MAPK8: variants seen among roughly 807,000 people sequenced by gnomAD.
MAPK8 encodes the protein mitogen-activated protein kinase 8, also known as JUN N-terminal kinase.
A neutral mutation model predicts 52.9 loss-of-function variants in MAPK8; 13 were observed. That is an observed-to-expected ratio of 0.25 (90% CI 0.16 to 0.39). The LOEUF is 0.39. Ranked by LOEUF, MAPK8 falls within the 10% of genes least tolerant of loss-of-function variation. The pLI, the probability that MAPK8 is intolerant of heterozygous loss-of-function variation, is 1.00. For missense variants in MAPK8, 300 were observed against 519.2 expected (o/e 0.58, Z 4.10); for synonymous variants, 191 against 169.8 (o/e 1.12, Z -0.97).
intron 11 of MAPK8, among the ~76,000 whole-genome samples, chr10:48,432,970 A>C (rs981784772): frequency 6.6e-6 from 1 of 152,230 alleles, no homozygotes; most frequent in Non-Finnish European, 1.5e-5. Context: ...AGATAACCAC[A>C]GTACCATTTC....
At chr10:48,349,070 A>G (rs1846059025) in intron 1 of MAPK8, among the ~76,000 whole-genome samples, 1 of 152,210 alleles carries the variant, frequency 6.6e-6, no homozygotes, top group African/African-American at 2.4e-5. Flanking sequence ...TGCAACAAGA[A>G]GAGCTAACTC....
intron 5 of MAPK8, among the ~76,000 whole-genome samples, chr10:48,416,302 T>G (rs2043062404): frequency 6.6e-6 from 1 of 152,196 alleles, no homozygotes; most frequent in African/African-American, 2.4e-5. Context: ...GGCTCTTCTT[T>G]GCTTGGAAGT....
At chr10:48,366,532 GTTA>G (rs1401465128) in intron 1 of MAPK8, among the ~76,000 whole-genome samples, 1 of 152,146 alleles carries the variant, frequency 6.6e-6, no homozygotes, top group Non-Finnish European at 1.5e-5. Flanking sequence ...CCTAAGTTAG[GTTA>G]TAACTTGTTT....
intron 6 of MAPK8, 110 bp downstream of exon 6, chr10:48,420,430 C>T (rs544662555): frequency 1.9e-6 from 2 of 1,052,118 alleles, no homozygotes; most frequent in South Asian, 5.0e-5. Context: ...AAATGTGTAT[C>T]ATTGTTTGAA....
intron 1 of MAPK8, among the ~76,000 whole-genome samples, chr10:48,383,791 A>G (rs1817662795): frequency 6.6e-6 from 1 of 152,156 alleles, no homozygotes; most frequent in African/African-American, 2.4e-5. Context: ...ATTTAAATAC[A>G]TTTCTCTCTT....
intron 1 of MAPK8, among the ~76,000 whole-genome samples, chr10:48,364,523 T>G (rs534712407): frequency 1.3e-5 from 2 of 152,138 alleles, no homozygotes; most frequent in Non-Finnish European, 2.9e-5. Flanking sequence ...GGAATTAAGA[T>G]TTGTTGAATG....
At chr10:48,424,379 C>G in intron 7 of MAPK8, 1 of 644,510 alleles carries the variant, frequency 1.6e-6, no homozygotes, top group Admixed American at 3.2e-5. Flanking sequence ...AGAGCACATT[C>G]ACTGTCACTC....
chr10:48,314,307 A>C (rs1186700100), intron 1 of MAPK8, among the ~76,000 whole-genome samples: 1 of 152,066 alleles, frequency 6.6e-6, no homozygotes, highest in East Asian at 1.9e-4. Context: ...ATGACCTAAT[A>C]TAGTCATGAG....
rs139619736 is a variant in MAPK8, at chr10:48,335,773, C to T, written c.-50+28952C>T. Among the ~76,000 whole-genome samples the T allele has an allele frequency of 3.1e-3, 477 of 152,306 alleles. 3 individuals are homozygous for T. Among genetic ancestry groups the T allele is most frequent in the African/African-American group, 0.011 (464 of 41,560 alleles). On this transcript the variant is annotated intron_variant, in intron 1 of 11. Transcript: ENST00000374189. ...CAGTGCTTATGTATACTTCCCATTTCATCATAACAGATAATGTGGATATTC... is the reference window on the plus strand; with the variant it reads ...CAGTGCTTATGTATACTTCCCATTTTATCATAACAGATAATGTGGATATTC...
chr10:48,329,048 T>C (rs1346943269), intron 1 of MAPK8, among the ~76,000 whole-genome samples: 1 of 152,346 alleles, frequency 6.6e-6, no homozygotes, highest in East Asian at 1.9e-4. Flanking sequence ...GTAACTCATT[T>C]AATTATTTTA....
At chr10:48,310,593 C>A (rs1407598224) in intron 1 of MAPK8, among the ~76,000 whole-genome samples, 1 of 152,100 alleles carries the variant, frequency 6.6e-6, no homozygotes, top group Non-Finnish European at 1.5e-5. Flanking sequence ...AGCTTATAAT[C>A]AAGGATTAGA....
intron 1 of MAPK8, among the ~76,000 whole-genome samples, chr10:48,370,067 T>C (rs985607446): frequency 3.3e-5 from 5 of 152,290 alleles, no homozygotes; most frequent in Admixed American, 1.3e-4. Context: ...CATATTTCAG[T>C]GCTAGGAGAA....
At chr10:48,394,424 A>G (rs980241637) in intron 1 of MAPK8, among the ~76,000 whole-genome samples, 3 of 151,936 alleles carry the variant, frequency 2.0e-5, no homozygotes, top group African/African-American at 7.2e-5. Flanking sequence ...CCATGAATGC[A>G]AGGGTGGTTT....
chr10:48,363,119 T>C (rs1376838124), intron 1 of MAPK8, among the ~76,000 whole-genome samples: 1 of 151,980 alleles, frequency 6.6e-6, no homozygotes, highest in Non-Finnish European at 1.5e-5. Flanking sequence ...CTGAACATAA[T>C]GCACTGCAGC....
chr10:48,401,905 T>G, intron 2 of MAPK8, 123 bp downstream of exon 2: 1 of 778,504 alleles, frequency 1.3e-6, no homozygotes, highest in Non-Finnish European at 1.8e-6. Flanking sequence ...AACTAAAAAT[T>G]AAACGAAAAC....
intron 1 of MAPK8, among the ~76,000 whole-genome samples, chr10:48,362,943 G>A (rs1847684281): frequency 6.6e-6 from 1 of 152,070 alleles, no homozygotes; most frequent in Non-Finnish European, 1.5e-5. Context: ...GTTTCACCAT[G>A]TTGGCCAGGC....
At position 48,404,933 on chromosome 10, in the gene MAPK8, G is replaced by C. The variant is rs1363332287; in HGVS notation, c.204G>C (p.Lys68Asn). The change falls in exon 3 of 12, where the codon AAG becomes AAC. Residue 68 changes from lysine (K) to asparagine (N), a missense_variant. Around this residue, in one of 3 missense-constraint regions of MAPK8, gnomAD observed 147 missense variants for 328.1 expected, o/e 0.45. Coordinates refer to ENST00000374189, the MANE Select transcript of MAPK8 (RefSeq NM_001323329.2). The stretch of plus-strand genomic sequence containing the variant: ...CATTTCAGAATCAGACTCATGCCAA[G>C]CGGGCCTACAGAGAGCTAGTTCTTA... ...SRPFQNQTHA[K>N]RAYRELVLMK... is the part of the protein sequence containing the mutation. 6.2e-7 allele frequency: 1 copy of C among 1,609,938 alleles called. No individual in the cohort carries two copies. The highest frequency in any genetic ancestry group is 8.5e-7 in the Non-Finnish European group (1 of 1,177,370).
chr10:48,405,057 A>G, intron 3 of MAPK8, 76 bp downstream of exon 3: 1 of 890,854 alleles, frequency 1.1e-6, no homozygotes, highest in Non-Finnish European at 1.7e-6. Flanking sequence ...ATCAAAGACT[A>G]AATATTAGGG....
chr10:48,324,194 C>T (rs897963494), intron 1 of MAPK8, among the ~76,000 whole-genome samples: 1 of 152,180 alleles, frequency 6.6e-6, no homozygotes, highest in Non-Finnish European at 1.5e-5. Context: ...CCCTTAATAT[C>T]TAGTTCATAT....
Sources: allele counts gnomAD v4.1 joint callset (sites outside exome capture counted in the v4.1 genomes callset), GRCh38; gene constraint gnomAD v4.1.1; regional missense constraint gnomAD v4.1.1; transcripts MANE v1.5; gene names NCBI Gene and HGNC (gene_info 2026-07-23, HGNC 2026-07-21).